The following LAPTM4B variants were observed in gnomAD, a reference collection of about 807,000 sequenced individuals.
LAPTM4B encodes the protein lysosomal-associated transmembrane protein 4B.
LAPTM4B carries 26 observed loss-of-function variants against 28.5 expected under a neutral mutation model. That is an observed-to-expected ratio of 0.91 (90% CI 0.67 to 1.27). The LOEUF is 1.27. Among genes scored for constraint, LAPTM4B ranks in the 50% most tolerant of loss-of-function variants. LAPTM4B has a pLI of 0.00. For missense variants in LAPTM4B, 288 were observed against 285.8 expected, an observed-to-expected ratio of 1.01 and a Z score of -0.06; for synonymous variants, 109 against 106.4, an observed-to-expected ratio of 1.02 and a Z score of -0.15.
chr8:97,819,417 C>G (rs1317569221), intron 5 of LAPTM4B, among the ~76,000 whole-genome samples, 179 bp downstream of exon 5: 1 of 152,066 alleles, frequency 6.6e-6, no homozygotes, highest in Non-Finnish European at 1.5e-5. Context: ...AATCAAAATT[C>G]CACAGTTTGA....
rs923441493 is a variant in LAPTM4B at position 97,821,114 on chromosome 8, G to A, written c.507+1876G>A. Among the ~76,000 whole-genome samples the A allele has an allele frequency of 1.7e-4, 26 of 152,062 alleles. 1 individual carries two copies. The highest frequency in any genetic ancestry group is 5.8e-4 in the African/African-American group (24 of 41,562). ...GCACTTTGGGAGGCCAAGACGGGTG[G>A]ATCACGAGATCAGGAGATCGAGACC... On this transcript the variant is annotated intron_variant, in intron 5 of 6. Transcript: ENST00000521545.
chr8:97,836,085 CTCA>C (rs1014985258), intron 6 of LAPTM4B, among the ~76,000 whole-genome samples: 1 of 152,156 alleles, frequency 6.6e-6, no homozygotes, highest in African/African-American at 2.4e-5. Context: ...CCCTCACCCC[CTCA>C]TCAACCCCTT....
intron 5 of LAPTM4B, among the ~76,000 whole-genome samples, chr8:97,824,503 A>G (rs1477928179): frequency 6.6e-6 from 1 of 152,214 alleles, no homozygotes; most frequent in Non-Finnish European, 1.5e-5. Flanking sequence ...TATGTTGGAC[A>G]TTAATTTTAA....
chr8:97,820,176 T>C (rs1816982394), intron 5 of LAPTM4B, among the ~76,000 whole-genome samples: 1 of 152,228 alleles, frequency 6.6e-6, no homozygotes, highest in African/African-American at 2.4e-5. Flanking sequence ...AAATTCTTTT[T>C]CATCTTGGTC....
intron 1 of LAPTM4B, among the ~76,000 whole-genome samples, chr8:97,779,753 T>TA (rs750177675): frequency 0.01 from 1,189 of 115,292 alleles, 9 homozygotes; most frequent in African/African-American, 0.026. Context: ...GACTCTTATC[T>TA]AAAAAAAAAA....
chr8:97,827,454 A>G (rs1156846658), intron 6 of LAPTM4B, among the ~76,000 whole-genome samples: 1 of 152,170 alleles, frequency 6.6e-6, no homozygotes, highest in Non-Finnish European at 1.5e-5. Context: ...ATATCTATGA[A>G]TCTCTTCATC....
At chr8:97,778,053 G>A (rs1816254863) in intron 1 of LAPTM4B, among the ~76,000 whole-genome samples, 1 of 152,206 alleles carries the variant, frequency 6.6e-6, no homozygotes, top group Non-Finnish European at 1.5e-5. Flanking sequence ...CAGTGTAGGT[G>A]TGATAAAAGG....
chr8:97,838,697 C>T (rs1278449301), intron 6 of LAPTM4B, among the ~76,000 whole-genome samples: 5 of 152,186 alleles, frequency 3.3e-5, no homozygotes, highest in Admixed American at 3.3e-4. Context: ...CCGTGTCTGG[C>T]TGTATTGCCC....
chr8:97,811,106 A>T (rs1475216910), intron 2 of LAPTM4B, among the ~76,000 whole-genome samples: 1 of 152,266 alleles, frequency 6.6e-6, no homozygotes, highest in Non-Finnish European at 1.5e-5. Context: ...CGCAGTTAAC[A>T]GTACCACCTA....
chr8:97,831,368 C>T (rs943220786), intron 6 of LAPTM4B, among the ~76,000 whole-genome samples: 4 of 152,126 alleles, frequency 2.6e-5, no homozygotes, highest in African/African-American at 7.2e-5. Context: ...TTTGCAGACT[C>T]GGAACATAGG....
chr8:97,783,208 A>G (rs1816350390), intron 1 of LAPTM4B, among the ~76,000 whole-genome samples: 1 of 151,854 alleles, frequency 6.6e-6, no homozygotes, highest in Admixed American at 6.6e-5. Flanking sequence ...ATAAAGGATA[A>G]AAGAGGTCAG....
At chr8:97,778,017 G>A (rs1479886740) in intron 1 of LAPTM4B, among the ~76,000 whole-genome samples, 1 of 152,206 alleles carries the variant, frequency 6.6e-6, no homozygotes, top group Non-Finnish European at 1.5e-5. Context: ...TCCTACTTGA[G>A]CCCTGTTGGC....
chr8:97,816,246 G>A, intron 4 of LAPTM4B, 66 bp downstream of exon 4: 1 of 1,425,542 alleles, frequency 7.0e-7, no homozygotes, highest in Non-Finnish European at 9.6e-7. Flanking sequence ...TTAAGTAAGG[G>A]ATGTGTAGAG....
At chr8:97,845,536 A>G (rs1001814387) in intron 6 of LAPTM4B, among the ~76,000 whole-genome samples, 8 of 152,092 alleles carry the variant, frequency 5.3e-5, no homozygotes, top group Non-Finnish European at 1.2e-4. Context: ...CACAGTTGTC[A>G]TCTGGGCATT....
intron 5 of LAPTM4B, among the ~76,000 whole-genome samples, chr8:97,820,304 C>CTTTCT (rs1554591889): frequency 7.8e-6 from 1 of 128,318 alleles, no homozygotes; most frequent in East Asian, 2.3e-4. Flanking sequence ...TTCTTTCTTT[C>CTTTCT]TTTTTTTTTT....
chr8:97,851,128 C>G (rs1048978847), intron 6 of LAPTM4B, among the ~76,000 whole-genome samples: 1 of 152,158 alleles, frequency 6.6e-6, no homozygotes, highest in Non-Finnish European at 1.5e-5. Context: ...TCTTCAGAGC[C>G]ATCACCATTT....
chr8:97,786,717 A>AAAC (rs532624807), intron 1 of LAPTM4B, among the ~76,000 whole-genome samples: 48 of 150,264 alleles, frequency 3.2e-4, no homozygotes, highest in Admixed American at 7.4e-4. Context: ...AAAAAAAAAA[A>AAAC]CCATTAACCT....
chr8:97,776,954 C>T (rs1306518522), intron 1 of LAPTM4B, among the ~76,000 whole-genome samples: 4 of 152,010 alleles, frequency 2.6e-5, no homozygotes, highest in African/African-American at 2.4e-5. Flanking sequence ...CCGCACCTGC[C>T]CTGCGTTGGT....
In LAPTM4B at chr8:97,805,423, GT is replaced by G; in HGVS notation, c.172del (p.Ser58LeufsTer25). 6.2e-7 allele frequency: 1 copy of G among 1,605,376 alleles called. No homozygotes were observed. The highest frequency in any genetic ancestry group is 1.1e-5 in the South Asian group (1 of 90,892). ...LADPDQYNFS[S>X]SELGGDFEFM... ...GATCCGGATCAGTATAACTTTTCAA[GT>G]TCTGAACTGGGAGGTGACTTTGAGT... On this transcript the variant is annotated frameshift_variant, in exon 2 of 7. Coordinates refer to ENST00000521545, the MANE Select transcript of LAPTM4B (RefSeq NM_018407.6). LOFTEE classifies it high-confidence loss of function.
Sources: gnomAD v4.1 joint callset for allele counts (sites outside exome capture counted in the v4.1 genomes callset) on GRCh38, gnomAD v4.1.1 for gene constraint, MANE v1.5 for transcripts, NCBI Gene and HGNC (gene_info 2026-07-23, HGNC 2026-07-21) for gene names.